Variants in TAOK2 observed in about 807,000 individuals in gnomAD.
The protein encoded by TAOK2 is serine/threonine-protein kinase TAO2.
In TAOK2, 42 loss-of-function variants were observed where a neutral mutation model predicts 122.5. The observed-to-expected ratio is 0.34, with a 90% CI of 0.27 to 0.44. TAOK2 has a LOEUF of 0.44. Among genes scored for constraint, TAOK2 ranks in the 20% least tolerant of loss-of-function variants. The pLI is 1.00. For missense variants in TAOK2, 1,264 were observed against 1,644.9 expected, an observed-to-expected ratio of 0.77 and a Z score of 4.01; for synonymous variants, 704 against 677.6, an observed-to-expected ratio of 1.04 and a Z score of -0.61.
chr16:29,974,304 G>A lies in TAOK2; in HGVS notation c.-380G>A, dbSNP rs1269850544. ...ATAGAATTTCAAATATCAGGTTCAG[G>A]CCCCTGCGTGCACCAGTATCCGGGG... On this transcript the variant is annotated 5_prime_UTR_variant, in exon 1 of 16. Transcript: ENST00000308893. 1 of 152,662 alleles carries A rather than the reference G, an allele frequency of 6.6e-6. No homozygotes were observed. The highest frequency in any genetic ancestry group is 1.9e-4 in the East Asian group (1 of 5,192). The allele number at this position is 152,662 out of a possible 1,614,324, so 9.5% of individuals were successfully genotyped here. A position where few individuals can be genotyped will look rare whatever the true frequency, so the allele number is the denominator to read the frequency against.
chr16:29,986,725 G>A lies in TAOK2; in HGVS notation c.2453G>A (p.Gly818Glu). The part of the protein sequence containing the change: ...TLEPKQQRIL[G>E]EESGAPSPSP... ...GAGCCCAAGCAGCAGAGGATTCTGG[G>A]GGAAGAATCAGGAGCCCCTAGTCCC... is the stretch of plus-strand genomic sequence containing the variant. Residue 818 changes from glycine (G) to glutamate (E), a missense_variant, in exon 16 of 16, where the codon GGG (glycine) becomes GAG (glutamate). By Grantham distance (98) the Gly-to-Glu change is moderately conservative. Transcript: ENST00000308893. The surrounding 1 kb of genome is among the most constrained non-coding windows in gnomAD (Gnocchi z 4.2). 1 of 1,614,056 alleles carries A rather than the reference G, an allele frequency of 6.2e-7. No homozygotes were observed.
downstream of TAOK2, chr16:29,991,517 C>A: frequency 6.7e-7 from 1 of 1,482,408 alleles, no homozygotes; most frequent in Non-Finnish European, 8.9e-7. This position sits in a 1 kb window ranked among gnomAD's most constrained non-coding sequence, Gnocchi z 5.6. Flanking sequence ...TGAGCCGCAG[C>A]ACCAGTGTCG....
At chr16:29,981,198 C>A in intron 8 of TAOK2, 1 of 280,194 alleles carries the variant, frequency 3.6e-6, no homozygotes, top group Non-Finnish European at 6.6e-6. Context: ...TGCATACTCT[C>A]AACTTCCCAG....
chr16:29,979,164 A>G lies in TAOK2; in HGVS notation c.450-31A>G, dbSNP rs373143692. The G allele has an allele frequency of 3.1e-5, 50 of 1,610,878 alleles. No homozygotes were observed. The highest frequency in any genetic ancestry group is 3.9e-5 in the Non-Finnish European group (46 of 1,177,348). On this transcript the variant is annotated intron_variant, in intron 6 of 15. Transcript: ENST00000308893. This position sits in a 1 kb window ranked among gnomAD's most constrained non-coding sequence, Gnocchi z 4.1. The stretch of plus-strand genomic sequence containing the variant: ...CCCCTGCCTAGCTTTCTTGAGACAC[A>G]TGTCTCATCCCTGTACTTTGCCTCT...
rs2069871584 is a variant in TAOK2 at position 29,988,063 on chromosome 16, TC to T, written c.*85del. ...TCAGTGAAGTTTCTCCAGTCCCTAG[TC>T]CTCTCTTTTCACCCACCTTCCTCAG... On this transcript the variant is annotated 3_prime_UTR_variant, in exon 16 of 16. Transcript: ENST00000308893. The T allele has an allele frequency of 3.4e-6, 5 of 1,450,778 alleles. No homozygotes were observed. In the African/African-American group the frequency reaches 7.1e-5, roughly 21 times the overall value. 89.9% of individuals were successfully genotyped at this position (1,450,778 alleles called of 1,614,324 possible).
chr16:29,978,861 C>A lies in TAOK2; in HGVS notation c.352+17C>A, dbSNP rs2069535410. ...TTCTAGAAGGTAAGTGACTGATAGG[C>A]CAATAAGTGGAGAAGGGAGAAGAGC... is the stretch of plus-strand genomic sequence containing the variant. On this transcript the variant is annotated intron_variant, in intron 5 of 15. Coordinates refer to ENST00000308893, the MANE Select transcript of TAOK2 (RefSeq NM_016151.4). The A allele has an allele frequency of 6.2e-7, 1 of 1,613,848 alleles. No homozygotes were observed. The highest frequency in any genetic ancestry group is 8.5e-7 in the Non-Finnish European group (1 of 1,179,970).
chr16:29,988,494 C>T (rs1256395399), downstream of TAOK2: 3 of 1,196,562 alleles, frequency 2.5e-6, no homozygotes, highest in Non-Finnish European at 3.2e-6. Context: ...ATGACCTCTT[C>T]ACCCCATCTC....
In TAOK2 at chr16:29,978,098, G is replaced by A. The variant is rs1005177502; in HGVS notation, c.142G>A (p.Val48Ile). Residue 48 changes from valine to isoleucine, a missense_variant, in exon 3 of 16, where the codon GTC becomes ATC. By Grantham distance (29) the Val-to-Ile change is conservative (BLOSUM62 3). Coordinates refer to ENST00000308893, the MANE Select transcript of TAOK2 (RefSeq NM_016151.4). ...SFGAVYFARD[V>I]RNSEVVAIKK... ...TGGTCTGGTCCTCTAGGCCCGGGAT[G>A]TCCGGAATAGTGAGGTGGTGGCCAT... The A allele has an allele frequency of 6.2e-7, 1 of 1,614,164 alleles. No homozygotes were observed. The highest frequency in any genetic ancestry group is 8.5e-7 in the Non-Finnish European group (1 of 1,180,030).
At chr16:29,982,980 C>G in intron 11 of TAOK2, 79 bp downstream of exon 11, 1 of 1,603,708 alleles carries the variant, frequency 6.2e-7, no homozygotes, top group South Asian at 1.1e-5. Context: ...CCTTCCCCAG[C>G]CCTACTCACA....
chr16:29,979,124 C>T lies in TAOK2; in HGVS notation c.449+54C>T. ...GGGGAGTGCTATCTGCACCACCTGT[C>T]ACTTAGCTGGGCTGCCCCTGCCTAG... On this transcript the variant is annotated intron_variant, in intron 6 of 15. Coordinates refer to ENST00000308893, the MANE Select transcript of TAOK2 (RefSeq NM_016151.4). This position sits in a 1 kb window ranked among gnomAD's most constrained non-coding sequence, Gnocchi z 4.1. 6.2e-7 allele frequency: 1 copy of T among 1,612,372 alleles called. No individual in the cohort carries two copies. Among genetic ancestry groups the T allele is most frequent in the Non-Finnish European group, 8.5e-7 (1 of 1,178,428 alleles).
In TAOK2 at chr16:29,988,049, T is replaced by C; in HGVS notation, c.*69T>C. 6.8e-7 allele frequency: 1 copy of C among 1,469,662 alleles called. No individual in the cohort carries two copies. Among genetic ancestry groups the C allele is most frequent in the East Asian group, 2.3e-5 (1 of 42,574 alleles). 91.0% of individuals were successfully genotyped at this position (1,469,662 alleles called of 1,614,324 possible). A position where few individuals can be genotyped will look rare whatever the true frequency, so the allele number is the denominator to read the frequency against. On this transcript the variant is annotated 3_prime_UTR_variant, in exon 16 of 16. Coordinates refer to ENST00000308893, the MANE Select transcript of TAOK2 (RefSeq NM_016151.4). ...TTATCTCCCACGACTCAGTGAAGTT[T>C]CTCCAGTCCCTAGTCCTCTCTTTTC... is the stretch of plus-strand genomic sequence containing the variant.
Position 29,986,089 on chromosome 16 carries a change from C to T in TAOK2, c.1993-176C>T, listed in dbSNP as rs1334569729. 1.3e-5 allele frequency among the ~76,000 whole-genome samples: 2 copies of T among 152,172 alleles called. No homozygotes were observed. The highest frequency in any genetic ancestry group is 2.9e-5 in the Non-Finnish European group (2 of 68,018). ...GCTTGCCTCCCCTACACCCTCATCT[C>T]CTGCCATCCCCAGCTCCCTCTGCCA... On this transcript the variant is annotated intron_variant, in intron 15 of 15. Coordinates refer to ENST00000308893, the MANE Select transcript of TAOK2 (RefSeq NM_016151.4). The surrounding 1 kb of genome is among the most constrained non-coding windows in gnomAD (Gnocchi z 4.2).
chr16:29,979,268 A>G lies in TAOK2; in HGVS notation c.523A>G (p.Ile175Val), dbSNP rs768089730. The G allele has an allele frequency of 3.1e-6, 5 of 1,614,184 alleles. No homozygotes were observed. The highest frequency in any genetic ancestry group is 3.3e-5 in the Admixed American group (2 of 60,030). The change falls in exon 7 of 16, where the codon ATC (isoleucine) becomes GTC (valine). Residue 175 changes from isoleucine to valine, a missense_variant. This residue lies in a region of TAOK2 where 254 missense variants were observed against 503.8 expected (regional missense o/e 0.50). Transcript: ENST00000308893. The surrounding 1 kb of genome is among the most constrained non-coding windows in gnomAD (Gnocchi z 4.1). ...VKLGDFGSAS[I>V]MAPANSFVGT... ...GCTAGGGGACTTTGGTTCTGCGTCCATCATGGCACCTGCCAACTCCTTCGT... is the reference window on the plus strand; with the variant it reads ...GCTAGGGGACTTTGGTTCTGCGTCCGTCATGGCACCTGCCAACTCCTTCGT...
chr16:29,975,282 C>T (rs1244513602), intron 1 of TAOK2, among the ~76,000 whole-genome samples: 1 of 152,206 alleles, frequency 6.6e-6, no homozygotes, highest in Non-Finnish European at 1.5e-5. Flanking sequence ...GTGACATCCC[C>T]GCATTCACCC....
Position 29,979,185 on chromosome 16 carries a change from C to T in TAOK2, c.450-10C>T. 1.2e-6 allele frequency: 2 copies of T among 1,614,084 alleles called. No individual in the cohort carries two copies. Among genetic ancestry groups the T allele is most frequent in the South Asian group, 1.1e-5 (1 of 91,088 alleles). On this transcript the variant is annotated splice_polypyrimidine_tract_variant and intron_variant, in intron 6 of 15. Coordinates refer to ENST00000308893, the MANE Select transcript of TAOK2 (RefSeq NM_016151.4). This position sits in a 1 kb window ranked among gnomAD's most constrained non-coding sequence, Gnocchi z 4.1. ...ACACATGTCTCATCCCTGTACTTTG[C>T]CTCTGGCAGGGATGTGAAGGCTGGA...
Position 29,986,834 on chromosome 16 carries a change from T to A in TAOK2, c.2562T>A (p.Leu854=). ...EEIEELRVPS[L]VPQERSIVGQ... ...TAGAGGAGCTTAGGGTGCCCTCCCT[T>A]GTACCCCAGGAGAGGAGCATTGTTG... Residue 854 remains leucine, a synonymous_variant, in exon 16 of 16, where the codon CTT becomes CTA. Transcript: ENST00000308893. This position sits in a 1 kb window ranked among gnomAD's most constrained non-coding sequence, Gnocchi z 4.2. 6.2e-7 allele frequency: 1 copy of A among 1,613,964 alleles called. No homozygotes were observed. Among genetic ancestry groups the A allele is most frequent in the Non-Finnish European group, 8.5e-7 (1 of 1,179,944 alleles).
In TAOK2 at chr16:29,983,276, A is replaced by T. The variant is rs377201939; in HGVS notation, c.1204A>T (p.Met402Leu). Residue 402 changes from methionine (M) to leucine (L), a missense_variant, in exon 12 of 16, where the codon ATG becomes TTG. By Grantham distance (15) the Met-to-Leu change is conservative (BLOSUM62 2). This residue lies in a region of TAOK2 where 122 missense variants were observed against 116.7 expected (regional missense o/e 1.04). Coordinates refer to ENST00000308893, the MANE Select transcript of TAOK2 (RefSeq NM_016151.4). ...EGPEAREMAM[M>L]QEGEHTVTSH... ...CCCTGAAGCCCGGGAGATGGCCATG[A>T]TGCAGGAGGGGGAGCACACAGTCAC... 6.2e-7 allele frequency: 1 copy of T among 1,605,984 alleles called. No homozygotes were observed. Among genetic ancestry groups the T allele is most frequent in the Non-Finnish European group, 8.5e-7 (1 of 1,179,858 alleles).
In TAOK2 at chr16:29,985,547, C is replaced by A. The variant is rs2069758810; in HGVS notation, c.1757C>A (p.Thr586Asn). The stretch of plus-strand genomic sequence containing the variant: ...GCCCTGCTGGAGGCACAGAAGCGGA[C>A]CTACAAACTTCGCAAGGAACAGCTG... ...LAALLEAQKR[T>N]YKLRKEQLKE... Residue 586 changes from threonine to asparagine, a missense_variant, in exon 14 of 16, where the codon ACC becomes AAC. By Grantham distance (65) the Thr-to-Asn change is moderately conservative. This residue lies in a region of TAOK2 where 824 missense variants were observed against 908.7 expected (regional missense o/e 0.91). Transcript: ENST00000308893. This position sits in a 1 kb window ranked among gnomAD's most constrained non-coding sequence, Gnocchi z 6.9. The A allele has an allele frequency of 1.2e-6, 2 of 1,603,800 alleles. No individual in the cohort carries two copies. The highest frequency in any genetic ancestry group is 1.7e-5 in the Admixed American group (1 of 59,392).
At chr16:29,976,635 C>T (rs981691048) in intron 1 of TAOK2, among the ~76,000 whole-genome samples, 14 of 152,116 alleles carry the variant, frequency 9.2e-5, no homozygotes, top group African/African-American at 3.4e-4. Flanking sequence ...GAACTTTCTC[C>T]GGGTGTTTGG....
Sources: allele counts gnomAD v4.1 joint callset (sites outside exome capture counted in the v4.1 genomes callset), GRCh38; gene constraint gnomAD v4.1.1; regional missense constraint gnomAD v4.1.1; non-coding constraint Gnocchi (gnomAD v3.1); transcripts MANE v1.5; gene names NCBI Gene and HGNC (gene_info 2026-07-23, HGNC 2026-07-21).